Variants in FBXO11 observed in about 807,000 individuals in gnomAD.
FBXO11 encodes F-box protein 11, also known as F-box only protein 11.
In FBXO11, 13 loss-of-function variants were observed where a neutral mutation model predicts 117.0. That is an observed-to-expected ratio of 0.11 (90% confidence interval 0.07 to 0.18). The LOEUF is 0.18. Among genes scored for constraint, FBXO11 ranks in the 10% least tolerant of loss-of-function variants. FBXO11 has a pLI of 1.00. For missense variants in FBXO11, 767 were observed against 1,164.4 expected (o/e 0.66, Z 4.97); for synonymous variants, 490 against 380.5 (o/e 1.29, Z -3.35).
At chr2:47,871,916 CAT>C (rs1553352790) in intron 1 of FBXO11, among the ~76,000 whole-genome samples, 1 of 152,222 alleles carries the variant, frequency 6.6e-6, no homozygotes, top group East Asian at 1.9e-4. Flanking sequence ...ATACGTTCCA[CAT>C]GTCATATATA....
chr2:47,836,966 G>C (rs1160428896), intron 4 of FBXO11: 2 of 387,906 alleles, frequency 5.2e-6, no homozygotes, highest in Admixed American at 6.7e-5. Context: ...TCAAACTCCT[G>C]GGCTCAAGTA....
At chr2:47,821,222 A>G (rs998426579) in intron 13 of FBXO11, among the ~76,000 whole-genome samples, 4 of 152,214 alleles carry the variant, frequency 2.6e-5, no homozygotes, top group African/African-American at 9.6e-5. Context: ...CTGTAATCCC[A>G]GCAATCTGGG....
chr2:47,892,778 A>G (rs1048773778), intron 1 of FBXO11, among the ~76,000 whole-genome samples: 1 of 152,226 alleles, frequency 6.6e-6, no homozygotes, highest in Non-Finnish European at 1.5e-5. Context: ...AGCCAAAACA[A>G]TGAATATAAT....
In FBXO11 at chr2:47,823,326, C is replaced by T; in HGVS notation, c.1433G>A (p.Arg478Lys). ...YFESCNIHRN[R>K]IAGFEVKAYA... ...GGCTTTTACTTCAAAGCCTGCTATC[C>T]TATTTCTGTGTATATTGCAACTTTC... The change falls in exon 12 of 23, where the codon AGG becomes AAG. Residue 478 changes from arginine (R) to lysine (K), a missense_variant. Physicochemically the swap from Arg to Lys is conservative, Grantham distance 26. This residue lies in a region of FBXO11 where 67 missense variants were observed against 148.8 expected (regional missense o/e 0.45). Transcript: ENST00000403359. The T allele has an allele frequency of 6.2e-7, 1 of 1,612,788 alleles. No homozygotes were observed. The highest frequency in any genetic ancestry group is 1.3e-5 in the African/African-American group (1 of 75,002).
At chr2:47,843,882 A>C (rs1673203405) in intron 1 of FBXO11, among the ~76,000 whole-genome samples, 1 of 152,014 alleles carries the variant, frequency 6.6e-6, no homozygotes, top group Non-Finnish European at 1.5e-5. Context: ...CTGGGATTAC[A>C]GGCACGCGCC....
chr2:47,853,113 C>T (rs1001983689), intron 1 of FBXO11, among the ~76,000 whole-genome samples: 1 of 151,636 alleles, frequency 6.6e-6, no homozygotes, highest in African/African-American at 2.4e-5. Flanking sequence ...GCTCTGTCAC[C>T]CAGGCTACAG....
chr2:47,886,317 CAACATGGTGAAACTCCCGTCTCTACTA>C (rs893776676), intron 1 of FBXO11, among the ~76,000 whole-genome samples: 13 of 151,886 alleles, frequency 8.6e-5, no homozygotes, highest in African/African-American at 2.4e-4. Context: ...CCAGCCTGAC[CAACATGGTGAAACTCCCGTCTCTACTA>C]AAAATGCAAA....
At chr2:47,815,718 T>TA (rs1491088927) in intron 16 of FBXO11, among the ~76,000 whole-genome samples, 2 of 151,488 alleles carry the variant, frequency 1.3e-5, no homozygotes, top group African/African-American at 4.9e-5. Context: ...CTGAAATTCA[T>TA]AGAGTTCTTC....
intron 1 of FBXO11, among the ~76,000 whole-genome samples, chr2:47,850,860 G>C (rs538873796): frequency 6.6e-6 from 1 of 152,222 alleles, no homozygotes; most frequent in East Asian, 1.9e-4. Flanking sequence ...TCTCTCCCCA[G>C]AATGGAACAT....
intron 1 of FBXO11, among the ~76,000 whole-genome samples, chr2:47,864,685 C>A (rs1371441484): frequency 6.6e-6 from 1 of 152,124 alleles, no homozygotes; most frequent in Non-Finnish European, 1.5e-5. Flanking sequence ...ACAATAGAGG[C>A]TCTGTCAAGA....
At chr2:47,868,957 C>T (rs956493951) in intron 1 of FBXO11, among the ~76,000 whole-genome samples, 1 of 152,192 alleles carries the variant, frequency 6.6e-6, no homozygotes, top group African/African-American at 2.4e-5. Context: ...GGTCTTACCC[C>T]GTTCCCAGCA....
At position 47,848,212 on chromosome 2, in the gene FBXO11, G is replaced by C. The variant is rs147932638; in HGVS notation, c.233-8443C>G. On this transcript the variant is annotated intron_variant, in intron 1 of 22. Transcript: ENST00000403359. ...AACCTTTATCAGTTCTCTTAAAGCA[G>C]AGATCCCCAACCCCGGGGCCAGTTA... 7.5e-4 allele frequency among the ~76,000 whole-genome samples: 114 copies of C among 152,126 alleles called. 1 individual carries two copies. In the East Asian group the frequency reaches 0.013, roughly 17 times the overall value.
chr2:47,895,638 T>G (rs1214058150), intron 1 of FBXO11, among the ~76,000 whole-genome samples: 1 of 152,230 alleles, frequency 6.6e-6, no homozygotes, highest in African/African-American at 2.4e-5. Context: ...ACTTACATAT[T>G]TCAATTACAA....
chr2:47,820,282 A>C, intron 14 of FBXO11, 80 bp downstream of exon 14: 1 of 1,023,908 alleles, frequency 9.8e-7, no homozygotes, highest in East Asian at 2.5e-5. Flanking sequence ...AATATGGCCT[A>C]CCTAAAAGCT....
intron 1 of FBXO11, among the ~76,000 whole-genome samples, chr2:47,903,582 T>C (rs1178430709): frequency 1.3e-5 from 2 of 152,194 alleles, no homozygotes; most frequent in African/African-American, 4.8e-5. Context: ...TCAACTAAGT[T>C]CGAAATTACA....
chr2:47,894,474 C>G (rs906665815), intron 1 of FBXO11, among the ~76,000 whole-genome samples: 1 of 152,112 alleles, frequency 6.6e-6, no homozygotes, highest in African/African-American at 2.4e-5. Context: ...TTACTTATCA[C>G]CACTTCAGCA....
chr2:47,886,501 CAAAAAA>C (rs368848073), intron 1 of FBXO11, among the ~76,000 whole-genome samples: 1 of 82,658 alleles, frequency 1.2e-5, no homozygotes, highest in Non-Finnish European at 2.5e-5. Context: ...GCGAGACTCT[CAAAAAA>C]AAAAAAAAAA....
chr2:47,823,390 T>C, intron 11 of FBXO11, 30 bp from the exon 12 acceptor site: 1 of 1,469,546 alleles, frequency 6.8e-7, no homozygotes, highest in Non-Finnish European at 9.3e-7. Flanking sequence ...AATCTGTAGG[T>C]AAAGCCTACT....
At chr2:47,877,744 G>A (rs1676115162) in intron 1 of FBXO11, among the ~76,000 whole-genome samples, 1 of 152,174 alleles carries the variant, frequency 6.6e-6, no homozygotes, top group Non-Finnish European at 1.5e-5. Flanking sequence ...GAATGCAGTG[G>A]TGCGATCTTG....
Sources: allele counts gnomAD v4.1 joint callset (sites outside exome capture counted in the v4.1 genomes callset), GRCh38; gene constraint gnomAD v4.1.1; regional missense constraint gnomAD v4.1.1; transcripts MANE v1.5; gene names NCBI Gene and HGNC (gene_info 2026-07-23, HGNC 2026-07-21).